BLTP3A: variants seen among roughly 807,000 people sequenced by gnomAD.
BLTP3A encodes the protein ICBP90 binding protein 1.
the BLTP3A span, chr6:34,834,297 C>T: frequency 1.2e-6 from 2 of 1,614,126 alleles, no homozygotes; most frequent in Non-Finnish European, 1.7e-6. Flanking sequence ...CACTCCAAGG[C>T]CTTCCACGCT....
the BLTP3A span, among the ~76,000 whole-genome samples, chr6:34,814,638 C>T: frequency 1.3e-5 from 2 of 152,120 alleles, no homozygotes; most frequent in Non-Finnish European, 2.9e-5. Flanking sequence ...CCTGATGGCA[C>T]AGTATCCTCT....
At chr6:34,819,046 G>T in the BLTP3A span, among the ~76,000 whole-genome samples, 9 of 151,970 alleles carry the variant, frequency 5.9e-5, no homozygotes, top group Non-Finnish European at 1.3e-4. Context: ...GTTAAGGTTG[G>T]TGGACAAAAT....
the BLTP3A span, among the ~76,000 whole-genome samples, chr6:34,797,139 A>C: frequency 1.3e-5 from 2 of 152,198 alleles, no homozygotes; most frequent in Non-Finnish European, 2.9e-5. Context: ...AAGAGTCGCT[A>C]TATAATGTAG....
the BLTP3A span, among the ~76,000 whole-genome samples, chr6:34,837,847 T>C: frequency 9.9e-5 from 15 of 152,264 alleles, no homozygotes; most frequent in African/African-American, 3.4e-4. Flanking sequence ...TGTTTAGTTA[T>C]TTCTTCCAAG....
chr6:34,868,766 C>T, the BLTP3A span, among the ~76,000 whole-genome samples: 1 of 150,262 alleles, frequency 6.7e-6, no homozygotes, highest in Non-Finnish European at 1.5e-5. Flanking sequence ...CGGTGCGTGC[C>T]TATAGTTCTA....
At chr6:34,837,560 TC>T in the BLTP3A span, among the ~76,000 whole-genome samples, 3 of 151,972 alleles carry the variant, frequency 2.0e-5, no homozygotes, top group Non-Finnish European at 4.4e-5. Context: ...TCCCTGTAGT[TC>T]TAGCTACTCA....
the BLTP3A span, among the ~76,000 whole-genome samples, chr6:34,793,826 G>A: frequency 6.6e-6 from 1 of 151,652 alleles, no homozygotes; most frequent in South Asian, 2.1e-4. Context: ...GCTTAGAGAT[G>A]ATCTCACCTA....
chr6:34,826,037 T>C, the BLTP3A span, among the ~76,000 whole-genome samples: 3 of 148,408 alleles, frequency 2.0e-5, no homozygotes, highest in South Asian at 2.2e-4. Context: ...TTTTTTTTTT[T>C]TTTTTTTTTT....
At chr6:34,863,988 T>G in the BLTP3A span, 3 of 1,574,046 alleles carry the variant, frequency 1.9e-6, no homozygotes, top group Non-Finnish European at 2.6e-6. Flanking sequence ...GTTTTTGTTT[T>G]TTTTTTTAAA....
chr6:34,793,786 G>A, the BLTP3A span, among the ~76,000 whole-genome samples: 1 of 152,142 alleles, frequency 6.6e-6, no homozygotes, highest in Non-Finnish European at 1.5e-5. Flanking sequence ...GAGGAGAATT[G>A]TATAATTTGA....
chr6:34,862,574 C>CCTGTAATCCCGG, the BLTP3A span, among the ~76,000 whole-genome samples: 105 of 152,178 alleles, frequency 6.9e-4, no homozygotes, highest in African/African-American at 2.3e-3. Flanking sequence ...GTGGCTCACG[C>CCTGTAATCCCGG]CTGTAATCCC....
At chr6:34,815,840 A>G in the BLTP3A span, among the ~76,000 whole-genome samples, 1 of 149,158 alleles carries the variant, frequency 6.7e-6, no homozygotes, top group African/African-American at 2.5e-5. Context: ...TACAGATGGG[A>G]TTTCACCATG....
chr6:34,824,041 C>T, the BLTP3A span, among the ~76,000 whole-genome samples: 1 of 149,312 alleles, frequency 6.7e-6, no homozygotes, highest in Non-Finnish European at 1.5e-5. Context: ...CTCCCAGGCT[C>T]AAGTGGTTCC....
the BLTP3A span, among the ~76,000 whole-genome samples, chr6:34,845,648 G>A: frequency 6.6e-6 from 1 of 151,702 alleles, no homozygotes; most frequent in African/African-American, 2.4e-5. Context: ...CCAGGCTGGA[G>A]TGCAGTGGTA....
At chr6:34,796,123 G>C in the BLTP3A span, among the ~76,000 whole-genome samples, 66,657 of 152,082 alleles carry the variant, frequency 0.44, 16,414 homozygotes, top group African/African-American at 0.67. Context: ...TAAAGATATA[G>C]TGTATTAAAT....
the BLTP3A span, among the ~76,000 whole-genome samples, chr6:34,843,240 T>A: frequency 6.6e-6 from 1 of 152,162 alleles, no homozygotes; most frequent in Non-Finnish European, 1.5e-5. Flanking sequence ...TGCCTTGGCC[T>A]CCCAAAATGT....
chr6:34,812,563 C>A, the BLTP3A span, among the ~76,000 whole-genome samples: 1 of 151,922 alleles, frequency 6.6e-6, no homozygotes, highest in Non-Finnish European at 1.5e-5. Context: ...CTCAAAGGAT[C>A]AAGGGATCCT....
At chr6:34,876,999 T>C in the BLTP3A span, 1 of 152,666 alleles carries the variant, frequency 6.6e-6, no homozygotes, top group South Asian at 2.1e-4. Context: ...AAATTCCTGT[T>C]AATGCTGAGA....
the BLTP3A span, among the ~76,000 whole-genome samples, chr6:34,828,234 C>T: frequency 5.3e-5 from 8 of 151,794 alleles, no homozygotes; most frequent in East Asian, 1.2e-3. Flanking sequence ...GGGCAGATCA[C>T]GAGGTCAGGA....
Sources: gnomAD v4.1 joint callset for allele counts (sites outside exome capture counted in the v4.1 genomes callset) on GRCh38, gnomAD v4.1.1 for gene constraint, MANE v1.5 for transcripts, NCBI Gene and HGNC (gene_info 2026-07-23, HGNC 2026-07-21) for gene names.